FERRY3: variants seen among roughly 807,000 people sequenced by gnomAD.
FERRY3 encodes the protein FERRY endosomal RAB5 effector complex subunit 3.
chr12:4,518,008 G>A, the FERRY3 span: 8 of 1,511,448 alleles, frequency 5.3e-6, no homozygotes, highest in Non-Finnish European at 6.4e-6. Flanking sequence ...TGTAAGAATG[G>A]TGTTACAGGA....
At chr12:4,516,966 T>A in the FERRY3 span, 1 of 1,074,560 alleles carries the variant, frequency 9.3e-7, no homozygotes, top group African/African-American at 1.6e-5. Flanking sequence ...ATTTCCTATC[T>A]TCCACCAACA....
the FERRY3 span, chr12:4,500,145 A>G: frequency 3.2e-5 from 51 of 1,612,422 alleles, no homozygotes; most frequent in Admixed American, 6.8e-4. Context: ...TACCTCTGAC[A>G]TATCATGTAC....
At chr12:4,493,580 T>C in the FERRY3 span, among the ~76,000 whole-genome samples, 1 of 152,212 alleles carries the variant, frequency 6.6e-6, no homozygotes. Flanking sequence ...CTTCTAAAAA[T>C]TCACTAGAAT....
the FERRY3 span, among the ~76,000 whole-genome samples, chr12:4,497,253 T>A: frequency 6.6e-6 from 1 of 152,050 alleles, no homozygotes; most frequent in Non-Finnish European, 1.5e-5. Flanking sequence ...CTCACAAACA[T>A]AATATTGAAC....
At chr12:4,505,426 G>T in the FERRY3 span, 2 of 1,295,878 alleles carry the variant, frequency 1.5e-6, no homozygotes, top group Non-Finnish European at 2.2e-6. Flanking sequence ...CAACATATGA[G>T]AATATGTTAC....
chr12:4,513,556 A>G, the FERRY3 span, among the ~76,000 whole-genome samples: 10 of 151,700 alleles, frequency 6.6e-5, no homozygotes, highest in African/African-American at 2.2e-4. Context: ...ATATAGATCA[A>G]TGGAACAGAA....
the FERRY3 span, among the ~76,000 whole-genome samples, chr12:4,516,415 G>A: frequency 1.6e-4 from 24 of 152,206 alleles, no homozygotes; most frequent in Middle Eastern, 3.4e-3. Flanking sequence ...ACATGCACAC[G>A]CATGGTCTTC....
the FERRY3 span, chr12:4,530,185 A>T: frequency 1.4e-6 from 1 of 726,698 alleles, no homozygotes; most frequent in South Asian, 2.1e-5. Flanking sequence ...TGTGTGTGTA[A>T]ATATATGTGT....
chr12:4,521,493 GA>G, the FERRY3 span, among the ~76,000 whole-genome samples: 45 of 152,212 alleles, frequency 3.0e-4, no homozygotes, highest in Middle Eastern at 3.4e-3. Context: ...GGGACGAAAA[GA>G]AAGGGACTTT....
At chr12:4,502,737 G>A in the FERRY3 span, among the ~76,000 whole-genome samples, 3 of 152,100 alleles carry the variant, frequency 2.0e-5, no homozygotes, top group African/African-American at 4.8e-5. The surrounding 1 kb of genome is among the most constrained non-coding windows in gnomAD (Gnocchi z 4.2). Context: ...TCTAGTTGCC[G>A]CTGTGCATCA....
the FERRY3 span, among the ~76,000 whole-genome samples, chr12:4,532,308 C>T: frequency 6.6e-6 from 1 of 152,180 alleles, no homozygotes; most frequent in Non-Finnish European, 1.5e-5. Context: ...CAGTACTGCA[C>T]ACAGCACTGT....
the FERRY3 span, chr12:4,500,256 C>G: frequency 6.2e-7 from 1 of 1,613,962 alleles, no homozygotes; most frequent in African/African-American, 1.3e-5. Flanking sequence ...AGTGATGTTT[C>G]CCGATTTCAC....
the FERRY3 span, among the ~76,000 whole-genome samples, chr12:4,498,347 T>C: frequency 6.6e-6 from 1 of 152,220 alleles, no homozygotes; most frequent in Non-Finnish European, 1.5e-5. Flanking sequence ...GACCCTTTTA[T>C]AGATAGACTA....
At chr12:4,508,189 T>C in the FERRY3 span, among the ~76,000 whole-genome samples, 27 of 152,236 alleles carry the variant, frequency 1.8e-4, no homozygotes, top group Middle Eastern at 6.8e-3. Context: ...GAGAGGAAGA[T>C]GGGAGATGGG....
chr12:4,501,562 C>T, the FERRY3 span, among the ~76,000 whole-genome samples: 26 of 152,068 alleles, frequency 1.7e-4, no homozygotes, highest in African/African-American at 5.3e-4. Flanking sequence ...CACAGGAGCA[C>T]GAACCCTATT....
chr12:4,518,818 T>A, the FERRY3 span: 2 of 1,595,726 alleles, frequency 1.3e-6, no homozygotes, highest in East Asian at 2.3e-5. Flanking sequence ...CTGTTCCTCA[T>A]AAATCCTTCC....
chr12:4,532,089 T>C, the FERRY3 span, among the ~76,000 whole-genome samples: 5 of 150,954 alleles, frequency 3.3e-5, no homozygotes, highest in East Asian at 1.9e-4. Context: ...TTGTGAATTT[T>C]TTTTTTTTTT....
At chr12:4,500,222 T>G in the FERRY3 span, 1 of 1,613,940 alleles carries the variant, frequency 6.2e-7, no homozygotes, top group Non-Finnish European at 8.5e-7. Flanking sequence ...TATTTCGGAG[T>G]CCCATAATGG....
the FERRY3 span, among the ~76,000 whole-genome samples, chr12:4,507,400 T>C: frequency 2.0e-5 from 3 of 152,192 alleles, no homozygotes; most frequent in Non-Finnish European, 4.4e-5. Flanking sequence ...GGCTCTGTTA[T>C]ATATAACACA....
Sources: gnomAD v4.1 joint callset for allele counts (sites outside exome capture counted in the v4.1 genomes callset) on GRCh38, gnomAD v4.1.1 for gene constraint, Gnocchi (gnomAD v3.1) non-coding constraint, MANE v1.5 for transcripts, NCBI Gene and HGNC (gene_info 2026-07-23, HGNC 2026-07-21) for gene names.